Variants in GALNT17 observed in about 807,000 individuals in gnomAD.
GALNT17 encodes UDP-GalNAc:polypeptide N-acetylgalactosaminyltransferase-like 3.
A neutral mutation model predicts 63.7 loss-of-function variants in GALNT17; 29 were observed. The observed-to-expected ratio is 0.46, with a 90% CI of 0.34 to 0.62. The LOEUF is 0.62. GALNT17 is among the 20% of genes least tolerant of loss of function. GALNT17 has a pLI of 0.01. For synonymous variants in GALNT17, 305 were observed against 318.3 expected (o/e 0.96, Z 0.45); for missense variants, 603 against 799.6 (o/e 0.75, Z 2.97).
intron 1 of GALNT17, among the ~76,000 whole-genome samples, chr7:71,292,321 G>A (rs1334221775): frequency 2.0e-5 from 3 of 152,156 alleles, no homozygotes; most frequent in Admixed American, 6.6e-5. Flanking sequence ...CACCTTGGTT[G>A]GGTGTTCTAA....
chr7:71,327,215 G>A (rs1432219660), intron 1 of GALNT17, among the ~76,000 whole-genome samples: 4 of 152,048 alleles, frequency 2.6e-5, no homozygotes, highest in African/African-American at 9.7e-5. Context: ...CCCTTTTCAC[G>A]CTGCTGATAA....
chr7:71,348,946 G>A (rs1332259272), intron 2 of GALNT17, among the ~76,000 whole-genome samples: 1 of 152,112 alleles, frequency 6.6e-6, no homozygotes, highest in African/African-American at 2.4e-5. Flanking sequence ...GCGTCTACAT[G>A]GGCACACACA....
intron 1 of GALNT17, among the ~76,000 whole-genome samples, chr7:71,240,225 A>G (rs1378241168): frequency 1.3e-5 from 2 of 152,242 alleles, no homozygotes; most frequent in Non-Finnish European, 2.9e-5. Context: ...TGTCAATTGT[A>G]TTTAGATGAG....
intron 4 of GALNT17, among the ~76,000 whole-genome samples, chr7:71,417,961 A>G (rs1032160729): frequency 3.3e-5 from 5 of 152,040 alleles, no homozygotes; most frequent in African/African-American, 1.2e-4. Flanking sequence ...CTTTCTTGAC[A>G]TTCACCTAAA....
chr7:71,498,120 T>C (rs1296091283), intron 5 of GALNT17, among the ~76,000 whole-genome samples: 1 of 152,150 alleles, frequency 6.6e-6, no homozygotes, highest in Admixed American at 6.6e-5. Flanking sequence ...TGACTACCAT[T>C]TTAACAATTT....
At chr7:71,558,514 C>G (rs1789201700) in intron 5 of GALNT17, among the ~76,000 whole-genome samples, 1 of 152,076 alleles carries the variant, frequency 6.6e-6, no homozygotes, top group African/African-American at 2.4e-5. Flanking sequence ...CTGATGATGC[C>G]TGTTCTAGAC....
intron 8 of GALNT17, among the ~76,000 whole-genome samples, chr7:71,671,923 G>A (rs1319543786): frequency 2.6e-5 from 4 of 151,610 alleles, no homozygotes; most frequent in Admixed American, 6.6e-5. Context: ...CCAGCTACTC[G>A]GGGCTGAGGC....
At chr7:71,603,615 A>G (rs1280491516) in intron 6 of GALNT17, among the ~76,000 whole-genome samples, 9 of 151,800 alleles carry the variant, frequency 5.9e-5, no homozygotes, top group Non-Finnish European at 1.5e-5. Context: ...ACCAGGTACT[A>G]TGCTAAGTGC....
At chr7:71,365,387 C>T (rs973159364) in intron 2 of GALNT17, among the ~76,000 whole-genome samples, 6 of 152,118 alleles carry the variant, frequency 3.9e-5, no homozygotes, top group African/African-American at 7.2e-5. Context: ...TACAGGCGTG[C>T]GCCACCACTC....
chr7:71,294,844 G>A (rs545801250), intron 1 of GALNT17, among the ~76,000 whole-genome samples: 2 of 152,256 alleles, frequency 1.3e-5, no homozygotes, highest in African/African-American at 4.8e-5. Context: ...GAAAAGAGTT[G>A]TTTTGTTCAT....
intron 1 of GALNT17, among the ~76,000 whole-genome samples, chr7:71,171,961 C>CA (rs539975959): frequency 7.9e-4 from 121 of 152,296 alleles, no homozygotes; most frequent in African/African-American, 2.8e-3. Context: ...TGCACCCTCC[C>CA]ACCCCCAGCC....
At chr7:71,711,573 CTCTT>C (rs1182587394) in intron 10 of GALNT17, among the ~76,000 whole-genome samples, 1 of 151,272 alleles carries the variant, frequency 6.6e-6, no homozygotes, top group African/African-American at 2.4e-5. Flanking sequence ...CTCCCTTTCT[CTCTT>C]TCTCTTCTCT....
chr7:71,203,755 A>G (rs1789218960), intron 1 of GALNT17, among the ~76,000 whole-genome samples: 1 of 152,198 alleles, frequency 6.6e-6, no homozygotes, highest in Non-Finnish European at 1.5e-5. Context: ...GGCACGTCAC[A>G]TGGCAGAAGG....
At chr7:71,246,859 C>A (rs1314011295) in intron 1 of GALNT17, among the ~76,000 whole-genome samples, 3 of 149,424 alleles carry the variant, frequency 2.0e-5, no homozygotes, top group Non-Finnish European at 4.4e-5. Flanking sequence ...ATTATGAATA[C>A]CCTTTAGAAG....
At chr7:71,483,196 A>G (rs1039828162) in intron 5 of GALNT17, among the ~76,000 whole-genome samples, 12 of 152,012 alleles carry the variant, frequency 7.9e-5, no homozygotes, top group Admixed American at 5.2e-4. Context: ...TGGTGAGAAA[A>G]TGAGTGGTTC....
chr7:71,355,657 C>T (rs187000820), intron 2 of GALNT17, among the ~76,000 whole-genome samples: 4 of 151,442 alleles, frequency 2.6e-5, no homozygotes, highest in Admixed American at 6.6e-5. Flanking sequence ...CTCAGCCTTC[C>T]GAGTAGCTGG....
chr7:71,474,734 T>C (rs1033728472), intron 5 of GALNT17, among the ~76,000 whole-genome samples: 2 of 152,144 alleles, frequency 1.3e-5, no homozygotes, highest in Non-Finnish European at 2.9e-5. Context: ...AGCAATGGGC[T>C]GAAAAATGCC....
In GALNT17 at chr7:71,294,031, G is replaced by A. The variant is rs547413043; in HGVS notation, c.239-41519G>A. 4.6e-5 allele frequency among the ~76,000 whole-genome samples: 7 copies of A among 152,098 alleles called. No homozygotes were observed. The South Asian group carries it at 6.2e-4, about 14-fold the overall frequency. ...AAAGAAATTAGCTGGGCATGGTGGC[G>A]GGTGCCTGTAGTCCCAGCTACTTGG... On this transcript the variant is annotated intron_variant, in intron 1 of 10. Coordinates refer to ENST00000333538, the MANE Select transcript of GALNT17 (RefSeq NM_022479.3).
chr7:71,330,946 C>T lies in GALNT17; in HGVS notation c.239-4604C>T, dbSNP rs554200579. 9.9e-5 allele frequency among the ~76,000 whole-genome samples: 15 copies of T among 152,258 alleles called. No homozygotes were observed. In the South Asian group the frequency reaches 2.5e-3, roughly 25 times the overall value. On this transcript the variant is annotated intron_variant, in intron 1 of 10. Coordinates refer to ENST00000333538, the MANE Select transcript of GALNT17 (RefSeq NM_022479.3). ...GCTCTCCTCTCTGCACCCTCTGCCA[C>T]GGCTCTAGCCTGCTTGTCCTGATGG...
Sources: allele counts gnomAD v4.1 joint callset (sites outside exome capture counted in the v4.1 genomes callset), GRCh38; gene constraint gnomAD v4.1.1; transcripts MANE v1.5; gene names NCBI Gene and HGNC (gene_info 2026-07-23, HGNC 2026-07-21).